SATB1: variants seen among roughly 807,000 people sequenced by gnomAD.
SATB1 encodes SATB homeobox 1.
A neutral mutation model predicts 86.9 loss-of-function variants in SATB1; 11 were observed. The ratio of observed to expected loss-of-function variants is 0.13; its 90% CI spans 0.08 to 0.21. SATB1 has a LOEUF of 0.21. SATB1 is among the 10% of genes least tolerant of loss of function. The pLI, the probability that SATB1 is intolerant of heterozygous loss-of-function variation, is 1.00. For synonymous variants in SATB1, 357 were observed against 357.2 expected, an observed-to-expected ratio of 1.00 and a Z score of 0.01; for missense variants, 551 against 937.6, an observed-to-expected ratio of 0.59 and a Z score of 5.39.
At position 18,394,424 on chromosome 3, in the gene SATB1, A is replaced by T; in HGVS notation, c.1206+38T>A. The T allele has an allele frequency of 1.3e-6, 2 of 1,545,364 alleles. No homozygotes were observed. The highest frequency in any genetic ancestry group is 1.8e-6 in the Non-Finnish European group (2 of 1,119,216). ...AGATGGGACTAAAGAAAGAGAAAAT[A>T]GGAGACAGCACAGAACCACTTATGA... is the stretch of plus-strand genomic sequence containing the variant. On this transcript the variant is annotated intron_variant, in intron 7 of 10. Coordinates refer to ENST00000338745, the MANE Select transcript of SATB1 (RefSeq NM_002971.6). This position sits in a 1 kb window ranked among gnomAD's most constrained non-coding sequence, Gnocchi z 5.9.
chr3:18,350,428 A>G (rs545791343), intron 10 of SATB1: 2 of 152,418 alleles, frequency 1.3e-5, no homozygotes, highest in South Asian at 4.1e-4. Flanking sequence ...CTTTTTCATA[A>G]TTAGTATATG....
chr3:18,422,716 A>T (rs753111835), intron 1 of SATB1, among the ~76,000 whole-genome samples: 2 of 152,242 alleles, frequency 1.3e-5, no homozygotes, highest in Non-Finnish European at 2.9e-5. Flanking sequence ...CTAGAGCAGA[A>T]GATGAATTTT....
chr3:18,387,034 G>A (rs2125209771), intron 7 of SATB1, among the ~76,000 whole-genome samples: 1 of 152,248 alleles, frequency 6.6e-6, no homozygotes, highest in South Asian at 2.1e-4. Flanking sequence ...TAGAGAAGTA[G>A]AACTTTCAAA....
intron 8 of SATB1, among the ~76,000 whole-genome samples, chr3:18,385,829 T>C (rs574959302): frequency 2.2e-4 from 34 of 152,070 alleles, no homozygotes; most frequent in Non-Finnish European, 4.3e-4. Flanking sequence ...TCCTAAAAAG[T>C]CCAAAAATTT....
At position 18,346,090 on chromosome 3, in the gene SATB1, T is replaced by G. The variant is rs1156231895; in HGVS notation, c.*3080A>C. On this transcript the variant is annotated 3_prime_UTR_variant, in exon 11 of 11. Coordinates refer to ENST00000338745, the MANE Select transcript of SATB1 (RefSeq NM_002971.6). The stretch of plus-strand genomic sequence containing the variant: ...ATTTTATACATAATATGTACAGACT[T>G]TGTTACCAAGCGCCACACAACTAGG... 4 of 152,140 alleles carry G rather than the reference T, an allele frequency of 2.6e-5. No homozygotes were observed. The highest frequency in any genetic ancestry group is 2.6e-4 in the Admixed American group (4 of 15,268). 9.4% of individuals were successfully genotyped at this position (152,140 alleles called of 1,614,324 possible). A position where few individuals can be genotyped will look rare whatever the true frequency, so the allele number is the denominator to read the frequency against.
upstream of SATB1, among the ~76,000 whole-genome samples, chr3:18,439,561 G>A (rs1699181363): frequency 6.6e-6 from 1 of 152,154 alleles, no homozygotes; most frequent in Non-Finnish European, 1.5e-5. Flanking sequence ...ACTGAGAACA[G>A]CATTTAGGAA....
intron 9 of SATB1, among the ~76,000 whole-genome samples, chr3:18,360,504 A>G (rs1390650979): frequency 6.7e-6 from 1 of 149,424 alleles, no homozygotes; most frequent in Non-Finnish European, 1.5e-5. Context: ...AATTCTCTCT[A>G]ATGGGAAAGC....
chr3:18,349,475 T>G lies in SATB1; in HGVS notation c.1987A>C (p.Ile663Leu), dbSNP rs1246085973. 6.2e-7 allele frequency: 1 copy of G among 1,614,200 alleles called. No individual in the cohort carries two copies. The highest frequency in any genetic ancestry group is 1.7e-5 in the Admixed American group (1 of 60,022). Residue 663 changes from isoleucine (I) to leucine (L), a missense_variant, in exon 11 of 11, where the codon ATA (isoleucine) becomes CTA (leucine). By Grantham distance (5) the Ile-to-Leu change is conservative (BLOSUM62 2). Transcript: ENST00000338745. This position sits in a 1 kb window ranked among gnomAD's most constrained non-coding sequence, Gnocchi z 5.5. ...VEALGILQSFIQDVGLYPDEE... is the reference protein window; with the variant it reads ...VEALGILQSFLQDVGLYPDEE... ...TCAGGGTACAGGCCCACGTCTTGTATGAAACTCTGGAGGATTCCCAAGGCT... is the reference window on the plus strand; with the variant it reads ...TCAGGGTACAGGCCCACGTCTTGTAGGAAACTCTGGAGGATTCCCAAGGCT...
intron 7 of SATB1, among the ~76,000 whole-genome samples, chr3:18,393,320 TTTTG>T (rs1025167489): frequency 5.5e-5 from 8 of 145,186 alleles, no homozygotes; most frequent in African/African-American, 9.9e-5. Flanking sequence ...GGTTTTTCGT[TTTTG>T]TTTGTTTTTT....
chr3:18,407,635 T>G (rs1697612795), intron 5 of SATB1, among the ~76,000 whole-genome samples: 1 of 152,048 alleles, frequency 6.6e-6, no homozygotes, highest in Admixed American at 6.6e-5. Context: ...TGGAGTCAGC[T>G]GCCCAAGCTC....
At position 18,380,779 on chromosome 3, in the gene SATB1, T is replaced by A. The variant is rs570847026; in HGVS notation, c.1420-2454A>T. ...AAGGGAAACTGACTTGGACAGCTTTTCAAAAATATGAAAGCTGAATTTTTC... is the reference window on the plus strand; with the variant it reads ...AAGGGAAACTGACTTGGACAGCTTTACAAAAATATGAAAGCTGAATTTTTC... On this transcript the variant is annotated intron_variant, in intron 8 of 10. Transcript: ENST00000338745. 3.9e-5 allele frequency among the ~76,000 whole-genome samples: 6 copies of A among 152,230 alleles called. No homozygotes were observed. In the South Asian group the frequency reaches 1.2e-3, roughly 32 times the overall value.
chr3:18,409,928 A>G (rs757647909), intron 5 of SATB1, among the ~76,000 whole-genome samples: 1 of 152,054 alleles, frequency 6.6e-6, no homozygotes, highest in African/African-American at 2.4e-5. Flanking sequence ...CACTATTTCT[A>G]ATGAAAATGA....
chr3:18,428,193 C>T (rs1266489289), upstream of SATB1, among the ~76,000 whole-genome samples: 2 of 152,140 alleles, frequency 1.3e-5, no homozygotes, highest in African/African-American at 2.4e-5. Context: ...GGCCTTCTTC[C>T]TAGTGGGAGT....
intron 2 of SATB1, among the ~76,000 whole-genome samples, chr3:18,431,811 TG>T (rs1197000531): frequency 3.3e-5 from 5 of 152,082 alleles, no homozygotes; most frequent in Non-Finnish European, 5.9e-5. Context: ...GCAATAAAAG[TG>T]GGGGCAGGAA....
chr3:18,444,710 C>A lies in SATB1; in HGVS notation c.-25+808G>T. ...CGGCGTCGGACTTCCGAGGCGGCGG[C>A]TTCTGCCTCTCCTGCCGCCGCCGCC... On this transcript the variant is annotated intron_variant, in intron 1 of 3. Transcript: ENST00000415069. The surrounding 1 kb of genome is among the most constrained non-coding windows in gnomAD (Gnocchi z 5.1). 1 of 957,078 alleles carries A rather than the reference C, an allele frequency of 1.0e-6. No individual in the cohort carries two copies. The highest frequency in any genetic ancestry group is 1.2e-6 in the Non-Finnish European group (1 of 804,670). The allele number at this position is 957,078 out of a possible 1,614,324, so 59.3% of individuals were successfully genotyped here.
At chr3:18,422,539 A>C (rs1304871693) in intron 1 of SATB1, among the ~76,000 whole-genome samples, 2 of 152,206 alleles carry the variant, frequency 1.3e-5, no homozygotes, top group Non-Finnish European at 2.9e-5. Flanking sequence ...ATTAACAATA[A>C]ATGTGCCTTT....
chr3:18,409,764 A>G (rs1472595784), intron 5 of SATB1: 3 of 152,088 alleles, frequency 2.0e-5, no homozygotes, highest in East Asian at 1.9e-4. Context: ...ATGTTTAAAC[A>G]TAAGATAATT....
chr3:18,429,147 T>C (rs1698807031), upstream of SATB1, among the ~76,000 whole-genome samples: 1 of 152,202 alleles, frequency 6.6e-6, no homozygotes, highest in Non-Finnish European at 1.5e-5. The surrounding 1 kb of genome is among the most constrained non-coding windows in gnomAD (Gnocchi z 4.1). Flanking sequence ...TTTCCATATA[T>C]GAATTTCTGG....
chr3:18,397,490 GCC>G (rs1279970873), intron 5 of SATB1, among the ~76,000 whole-genome samples, 200 bp from the exon 6 acceptor site: 1 of 152,000 alleles, frequency 6.6e-6, no homozygotes, highest in East Asian at 1.9e-4. Flanking sequence ...GAAAGCAACA[GCC>G]CACTGAGACC....
Sources: gnomAD v4.1 joint callset for allele counts (sites outside exome capture counted in the v4.1 genomes callset) on GRCh38, gnomAD v4.1.1 for gene constraint, Gnocchi (gnomAD v3.1) non-coding constraint, MANE v1.5 for transcripts, NCBI Gene and HGNC (gene_info 2026-07-23, HGNC 2026-07-21) for gene names.